Variants in PRRC2C observed in about 807,000 individuals in gnomAD.
PRRC2C encodes proline rich coiled-coil 2C, also known as protein PRRC2C.
In PRRC2C, 72 loss-of-function variants were observed where a neutral mutation model predicts 317.2. That is an observed-to-expected ratio of 0.23 (90% CI 0.19 to 0.28). PRRC2C has a LOEUF of 0.28. Among genes scored for constraint, PRRC2C ranks in the 10% least tolerant of loss-of-function variants. The probability of loss-of-function intolerance (pLI) is 1.00; values close to 1 mark genes in which losing one functional copy is unlikely to be tolerated. For synonymous variants in PRRC2C, 1,296 were observed against 1,205.9 expected (o/e 1.07, Z -1.55); for missense variants, 3,074 against 3,459.7 (o/e 0.89, Z 2.80).
At chr1:171,556,021 CCAGAGCATA>C (rs1681310703) in intron 18 of PRRC2C, among the ~76,000 whole-genome samples, 1 of 152,006 alleles carries the variant, frequency 6.6e-6, no homozygotes, top group African/African-American at 2.4e-5. Flanking sequence ...TGCCCTGCCC[CCAGAGCATA>C]CAGAGTCTAC....
chr1:171,522,340 C>T (rs929163672), intron 7 of PRRC2C, 81 bp downstream of exon 7: 7 of 961,750 alleles, frequency 7.3e-6, no homozygotes, highest in Non-Finnish European at 1.1e-5. Context: ...TTGTGTGATT[C>T]TGAGTTGTGT....
intron 18 of PRRC2C, among the ~76,000 whole-genome samples, chr1:171,556,067 C>T (rs1681325057): frequency 1.3e-5 from 2 of 152,110 alleles, no homozygotes; most frequent in South Asian, 4.1e-4. Context: ...CATTGAACTG[C>T]GGTGGGCTCC....
chr1:171,538,194 T>C (rs1677221067), intron 15 of PRRC2C, among the ~76,000 whole-genome samples: 1 of 152,204 alleles, frequency 6.6e-6, no homozygotes, highest in Admixed American at 6.5e-5. Flanking sequence ...CAGGCTGGTC[T>C]TGAACTCTTG....
intron 15 of PRRC2C, among the ~76,000 whole-genome samples, chr1:171,537,734 C>T (rs1203113844): frequency 1.3e-5 from 2 of 152,092 alleles, no homozygotes; most frequent in Non-Finnish European, 2.9e-5. Context: ...GAGATAGGAA[C>T]TTGCTCTGTT....
rs1194800520 is a variant in PRRC2C at position 171,586,755 on chromosome 1, A to AT, written c.7750-236dup. Reference sequence around the variant, plus strand: ...GCCACCACATGCAGCTAATTTTCGTATTTTTTTTTTTTAGTAGAGACAGGG... The same window carrying AT: ...GCCACCACATGCAGCTAATTTTCGTATTTTTTTTTTTTTAGTAGAGACAGGG... On this transcript the variant is annotated intron_variant, in intron 30 of 34. Transcript: ENST00000647382. Among the ~76,000 whole-genome samples, 316 of 136,304 alleles carry AT rather than the reference A, an allele frequency of 2.3e-3. 3 individuals are homozygous for AT. Among genetic ancestry groups the AT allele is most frequent in the South Asian group, 0.021 (88 of 4,226 alleles). 89.4% of individuals were successfully genotyped at this position (136,304 alleles called of 152,430 possible).
rs115720170 is a variant in PRRC2C at position 171,529,014 on chromosome 1, C to G, written c.1254+1170C>G. The stretch of plus-strand genomic sequence containing the variant: ...GTCTCACCTTCATGCCCAGGCTGGT[C>G]TCGAACTCCTAGACAAGATACCACC... On this transcript the variant is annotated intron_variant, in intron 11 of 34. Coordinates refer to ENST00000647382, the MANE Select transcript of PRRC2C (RefSeq NM_001387844.1). Among the ~76,000 whole-genome samples, 1,252 of 152,134 alleles carry G rather than the reference C, an allele frequency of 8.2e-3. 13 individuals carry two copies. Among genetic ancestry groups the G allele is most frequent in the African/African-American group, 0.028 (1,166 of 41,502 alleles).
chr1:171,591,772 C>G lies in PRRC2C; in HGVS notation c.8622C>G (p.Pro2874=), dbSNP rs759572697. 2.5e-6 allele frequency: 4 copies of G among 1,612,958 alleles called. No homozygotes were observed. The highest frequency in any genetic ancestry group is 2.5e-6 in the Non-Finnish European group (3 of 1,179,664). Residue 2874 remains proline (P), a synonymous_variant, in exon 35 of 35, where the codon CCC becomes CCG. Transcript: ENST00000647382. ...EKVEEKPPPA[P]SIATKPVRTG... ...TAGAAGAAAAGCCACCCCCTGCACC[C>G]TCCATAGCCACCAAACCTGTTAGAA...
chr1:171,535,380 T>TA, intron 12 of PRRC2C, 48 bp from the exon 13 acceptor site: 1 of 1,512,524 alleles, frequency 6.6e-7, no homozygotes, highest in Non-Finnish European at 8.9e-7. Context: ...CTGTGTTTGA[T>TA]AAGTGTCATA....
intron 12 of PRRC2C, 38 bp downstream of exon 12, chr1:171,532,999 C>A: frequency 6.7e-7 from 1 of 1,488,152 alleles, no homozygotes; most frequent in Non-Finnish European, 8.9e-7. Context: ...AAAAACTTTA[C>A]AAAGAGCTTT....
At position 171,587,131 on chromosome 1, in the gene PRRC2C, G is replaced by A. The variant is rs1356210254; in HGVS notation, c.7878G>A (p.Gln2626=). 6.2e-7 allele frequency: 1 copy of A among 1,611,124 alleles called. No homozygotes were observed. The highest frequency in any genetic ancestry group is 8.5e-7 in the Non-Finnish European group (1 of 1,178,712). ...ATACCACTCCCCAAGCACAGGCTCA[G>A]AGTCTGAGTCGTCCTGCACAAGTAA... The part of the protein sequence containing the change: ...LQHTTPQAQA[Q]SLSRPAQVSQ... Residue 2626 remains glutamine, a synonymous_variant, in exon 31 of 35, where the codon CAG becomes CAA. Transcript: ENST00000647382.
At chr1:171,576,089 A>C (rs897040302) in intron 25 of PRRC2C, among the ~76,000 whole-genome samples, 3 of 152,194 alleles carry the variant, frequency 2.0e-5, no homozygotes, top group African/African-American at 7.2e-5. Context: ...ACTGTGTTCC[A>C]ACTATATTTC....
intron 30 of PRRC2C, 50 bp from the exon 31 acceptor site, chr1:171,586,953 T>C: frequency 7.5e-7 from 1 of 1,329,130 alleles, no homozygotes; most frequent in Non-Finnish European, 1.1e-6. Flanking sequence ...TGGATATGTC[T>C]GTAGTAAACA....
intron 11 of PRRC2C, among the ~76,000 whole-genome samples, chr1:171,528,307 T>A (rs1326194913): frequency 7.0e-6 from 1 of 143,640 alleles, no homozygotes; most frequent in East Asian, 2.1e-4. Flanking sequence ...TTTTTTTTTT[T>A]AGACAGAGTC....
Position 171,557,501 on chromosome 1 carries a change from G to T in PRRC2C, c.5389G>T (p.Ala1797Ser). 1 of 1,551,270 alleles carries T rather than the reference G, an allele frequency of 6.4e-7. No individual in the cohort carries two copies. Among genetic ancestry groups the T allele is most frequent in the East Asian group, 2.4e-5 (1 of 40,912 alleles). ...VPASTLAPVL[A>S]STSAPVPASP... ...AGCCTCAACTTTAGCTCCAGTTCTG[G>T]CCTCAACCTCAGCTCCAGTTCCAGC... Residue 1797 changes from alanine (A) to serine (S), a missense_variant, in exon 19 of 35, where the codon GCC (alanine) becomes TCC (serine). By Grantham distance (99) the Ala-to-Ser change is moderately conservative. This residue lies in a region of PRRC2C where 640 missense variants were observed against 676.1 expected (regional missense o/e 0.95). Transcript: ENST00000647382.
chr1:171,546,969 G>A (rs1331721095), intron 17 of PRRC2C, among the ~76,000 whole-genome samples: 1 of 152,016 alleles, frequency 6.6e-6, no homozygotes, highest in Non-Finnish European at 1.5e-5. Flanking sequence ...GCCCAGGCCT[G>A]TCATCCCAGC....
intron 17 of PRRC2C, among the ~76,000 whole-genome samples, chr1:171,547,944 T>A (rs974973061): frequency 1.3e-5 from 2 of 152,016 alleles, no homozygotes; most frequent in African/African-American, 4.8e-5. Flanking sequence ...TGAGCCACCG[T>A]GCCTGGCTGA....
rs774094859 is a variant in PRRC2C, at chr1:171,591,570, C to A, written c.8437-17C>A. On this transcript the variant is annotated splice_polypyrimidine_tract_variant and intron_variant, in intron 34 of 34. Coordinates refer to ENST00000647382, the MANE Select transcript of PRRC2C (RefSeq NM_001387844.1). ...TAATGCTGCAGTATTTTCAGTTGTT[C>A]TTTCTCATTTTTTAAGGCAAAGCAG... 5.6e-6 allele frequency: 9 copies of A among 1,606,150 alleles called. 1 individual carries two copies. The highest frequency in any genetic ancestry group is 7.7e-6 in the Non-Finnish European group (9 of 1,174,652).
intron 1 of PRRC2C, among the ~76,000 whole-genome samples, chr1:171,486,576 A>G (rs1476185796): frequency 6.6e-6 from 1 of 152,010 alleles, no homozygotes; most frequent in Non-Finnish European, 1.5e-5. Flanking sequence ...ATTATTTGGG[A>G]TCTTTTGAGG....
chr1:171,539,825 C>G (rs770432275), intron 15 of PRRC2C, 146 bp from the exon 16 acceptor site: 1 of 739,878 alleles, frequency 1.4e-6, no homozygotes, highest in Admixed American at 3.0e-5. Flanking sequence ...GAGTAATTCT[C>G]CTCTAAACTT....
Sources: allele counts gnomAD v4.1 joint callset (sites outside exome capture counted in the v4.1 genomes callset), GRCh38; gene constraint gnomAD v4.1.1; regional missense constraint gnomAD v4.1.1; transcripts MANE v1.5; gene names NCBI Gene and HGNC (gene_info 2026-07-23, HGNC 2026-07-21).